NUDT9: variants seen among roughly 807,000 people sequenced by gnomAD.
NUDT9 encodes the protein ADP-ribose pyrophosphatase.
Under a neutral mutation model 41.0 loss-of-function variants are expected in NUDT9, and 31 were observed. That is an observed-to-expected ratio of 0.76 (90% CI 0.57 to 1.02). The LOEUF (loss-of-function observed/expected upper bound fraction) is 1.02, where lower values mean the gene tolerates loss of function less well. Among genes scored for constraint, NUDT9 ranks in the 50% least tolerant of loss-of-function variants. The pLI, the probability that NUDT9 is intolerant of heterozygous loss-of-function variation, is 0.00. For synonymous variants in NUDT9, 146 were observed against 147.6 expected, an observed-to-expected ratio of 0.99 and a Z score of 0.08; for missense variants, 380 against 431.4, an observed-to-expected ratio of 0.88 and a Z score of 1.06.
intron 4 of NUDT9, among the ~76,000 whole-genome samples, chr4:87,444,298 AT>A (rs1297369806): frequency 6.6e-6 from 1 of 151,808 alleles, no homozygotes; most frequent in Non-Finnish European, 1.5e-5. Context: ...CTCTTTATAT[AT>A]TTTTTTATTT....
chr4:87,422,619 T>C lies in NUDT9; in HGVS notation c.-287T>C, dbSNP rs1183755129. On this transcript the variant is annotated 5_prime_UTR_variant, in exon 1 of 8. Transcript: ENST00000302174. The stretch of plus-strand genomic sequence containing the variant: ...ATTACGCAGAGAGAAAGTTACGAGG[T>C]TCGTGGCCGCGGTTTCCCCAGGCAG... 3.2e-6 allele frequency: 1 copy of C among 313,302 alleles called. No homozygotes were observed. Among genetic ancestry groups the C allele is most frequent in the Non-Finnish European group, 5.8e-6 (1 of 172,402 alleles). The allele number at this position is 313,302 out of a possible 1,614,324, so 19.4% of individuals were successfully genotyped here.
At chr4:87,452,254 C>T (rs940397555) in intron 6 of NUDT9, among the ~76,000 whole-genome samples, 6 of 152,108 alleles carry the variant, frequency 3.9e-5, no homozygotes, top group East Asian at 1.9e-4. Flanking sequence ...CTGCCCGCCT[C>T]GGCCTCCCAA....
chr4:87,449,201 T>C lies in NUDT9; in HGVS notation c.590T>C (p.Leu197Ser), dbSNP rs1481102843. ...CATCCTGTTTCTGGGAAGCATATCT[T>C]ACAATTTGTTGCAATAAAAAGGAAA... ...IMHPVSGKHI[L>S]QFVAIKRKDC... Residue 197 changes from leucine (L) to serine (S), a missense_variant, in exon 5 of 8, where the codon TTA becomes TCA. By Grantham distance (145) the Leu-to-Ser change is moderately radical. Coordinates refer to ENST00000302174, the MANE Select transcript of NUDT9 (RefSeq NM_024047.5). The C allele has an allele frequency of 6.2e-7, 1 of 1,611,796 alleles. No homozygotes were observed. Among genetic ancestry groups the C allele is most frequent in the Non-Finnish European group, 8.5e-7 (1 of 1,178,116 alleles).
At chr4:87,436,619 A>G (rs1721951914) in intron 2 of NUDT9, among the ~76,000 whole-genome samples, 1 of 151,992 alleles carries the variant, frequency 6.6e-6, no homozygotes. Context: ...TGATTTTTTT[A>G]AAAGGGTGAA....
chr4:87,433,870 T>A (rs1721791820), intron 1 of NUDT9, among the ~76,000 whole-genome samples: 1 of 152,212 alleles, frequency 6.6e-6, no homozygotes, highest in African/African-American at 2.4e-5. Context: ...TTTGTATATT[T>A]ACCACAGTCT....
At chr4:87,457,289 G>T (rs1325575350) in intron 7 of NUDT9, among the ~76,000 whole-genome samples, 1 of 138,730 alleles carries the variant, frequency 7.2e-6, no homozygotes, top group South Asian at 2.2e-4. Flanking sequence ...AGGCTGGAGT[G>T]CAGTGGTGTG....
At chr4:87,438,854 C>T (rs1722070955) in intron 3 of NUDT9, among the ~76,000 whole-genome samples, 1 of 152,134 alleles carries the variant, frequency 6.6e-6, no homozygotes, top group African/African-American at 2.4e-5. Flanking sequence ...AGTGTATCAG[C>T]CTGTTCTCAC....
rs943767592 is a variant in NUDT9, at chr4:87,426,407, C to T, written c.107+3395C>T. Among the ~76,000 whole-genome samples, 3 of 150,634 alleles carry T rather than the reference C, an allele frequency of 2.0e-5. No homozygotes were observed. In the East Asian group the frequency reaches 5.9e-4, roughly 29 times the overall value. ...ATTTACCTCTCTGGGTCTTAATGTTCTTATTTCCTTTTTTTTTTTTGAGAC... is the reference window on the plus strand; with the variant it reads ...ATTTACCTCTCTGGGTCTTAATGTTTTTATTTCCTTTTTTTTTTTTGAGAC... On this transcript the variant is annotated intron_variant, in intron 1 of 7. Coordinates refer to ENST00000302174, the MANE Select transcript of NUDT9 (RefSeq NM_024047.5).
chr4:87,449,222 G>C lies in NUDT9; in HGVS notation c.611G>C (p.Arg204Thr). ...ATCTTACAATTTGTTGCAATAAAAAGGAAAGACTGTGGAGAATGGGCAATC... is the reference window on the plus strand; with the variant it reads ...ATCTTACAATTTGTTGCAATAAAAACGAAAGACTGTGGAGAATGGGCAATC... ...KHILQFVAIK[R>T]KDCGEWAIPG... Residue 204 changes from arginine to threonine, a missense_variant, in exon 5 of 8, where the codon AGG becomes ACG. Coordinates refer to ENST00000302174, the MANE Select transcript of NUDT9 (RefSeq NM_024047.5). 1 of 1,608,036 alleles carries C rather than the reference G, an allele frequency of 6.2e-7. No individual in the cohort carries two copies. Among genetic ancestry groups the C allele is most frequent in the African/African-American group, 1.3e-5 (1 of 74,898 alleles).
rs115822950 is a variant in NUDT9 at position 87,442,983 on chromosome 4, A to G, written c.530+1068A>G. Among the ~76,000 whole-genome samples, 1,230 of 152,352 alleles carry G rather than the reference A, an allele frequency of 8.1e-3. 19 individuals are homozygous for G. Among genetic ancestry groups the G allele is most frequent in the African/African-American group, 0.028 (1,174 of 41,584 alleles). On this transcript the variant is annotated intron_variant, in intron 4 of 7. Transcript: ENST00000302174. ...AAAATAATGATAAAAAGTACAGTAT[A>G]GTAAATACATAAGCCAGTAACATAG...
At chr4:87,451,511 C>T in intron 5 of NUDT9, 78 bp from the exon 6 acceptor site, 1 of 1,105,554 alleles carries the variant, frequency 9.0e-7, no homozygotes. Context: ...AATAAATGTT[C>T]ACTCTACTAC....
intron 1 of NUDT9, among the ~76,000 whole-genome samples, chr4:87,431,235 C>G (rs1038363831): frequency 6.6e-6 from 1 of 152,174 alleles, no homozygotes. Context: ...GTACCTTTGT[C>G]AAAAATTATT....
intron 1 of NUDT9, among the ~76,000 whole-genome samples, chr4:87,430,047 A>G (rs562324878): frequency 1.3e-5 from 2 of 152,260 alleles, no homozygotes; most frequent in East Asian, 3.9e-4. Context: ...AGATGGGGAG[A>G]GCATCCTGGA....
intron 1 of NUDT9, among the ~76,000 whole-genome samples, chr4:87,425,670 A>G (rs551472611): frequency 2.0e-4 from 29 of 146,672 alleles, no homozygotes; most frequent in Middle Eastern, 3.3e-3. Flanking sequence ...GCTGGTGAAT[A>G]CAGGTGTGAG....
At chr4:87,423,040 T>A in intron 1 of NUDT9, 28 bp downstream of exon 1, 1 of 1,578,300 alleles carries the variant, frequency 6.3e-7, no homozygotes, top group Non-Finnish European at 8.7e-7. Flanking sequence ...TACCGGCTCC[T>A]TTGCCCTAGA....
Position 87,423,194 on chromosome 4 carries a change from G to T in NUDT9, c.107+182G>T, listed in dbSNP as rs190988450. Among the ~76,000 whole-genome samples, 3 of 152,354 alleles carry T rather than the reference G, an allele frequency of 2.0e-5. No homozygotes were observed. The East Asian group carries it at 5.8e-4, about 29-fold the overall frequency. On this transcript the variant is annotated intron_variant, in intron 1 of 7. Coordinates refer to ENST00000302174, the MANE Select transcript of NUDT9 (RefSeq NM_024047.5). Reference sequence around the variant, plus strand: ...TGCCTTTTGAGGAAAACGAGTGGCAGGGACCCTTCTTGACTTCTGATTTTG... The same window carrying T: ...TGCCTTTTGAGGAAAACGAGTGGCATGGACCCTTCTTGACTTCTGATTTTG...
chr4:87,448,141 T>A (rs1353776537), intron 4 of NUDT9, among the ~76,000 whole-genome samples: 10 of 113,398 alleles, frequency 8.8e-5, no homozygotes, highest in East Asian at 4.1e-4. Context: ...AAAGCAAATT[T>A]TTTTTTTTTT....
At chr4:87,446,750 G>C (rs148836603) in intron 4 of NUDT9, among the ~76,000 whole-genome samples, 1 of 152,042 alleles carries the variant, frequency 6.6e-6, no homozygotes, top group Admixed American at 6.6e-5. Flanking sequence ...ATGTTATAGG[G>C]TTGTTTTGAG....
intron 7 of NUDT9, among the ~76,000 whole-genome samples, chr4:87,455,943 T>C (rs1722969693): frequency 6.6e-6 from 1 of 152,200 alleles, no homozygotes; most frequent in Non-Finnish European, 1.5e-5. Context: ...ATTACAGTCA[T>C]GAGCCACTGC....
Sources: allele counts gnomAD v4.1 joint callset (sites outside exome capture counted in the v4.1 genomes callset), GRCh38; gene constraint gnomAD v4.1.1; transcripts MANE v1.5; gene names NCBI Gene and HGNC (gene_info 2026-07-23, HGNC 2026-07-21).